The following SMYD4 variants were observed in gnomAD, a reference collection of about 807,000 sequenced individuals.
The protein encoded by SMYD4 is SET and MYND domain containing 4.
In SMYD4, 68 loss-of-function variants were observed where a neutral mutation model predicts 72.8. That is an observed-to-expected ratio of 0.93 (90% CI 0.77 to 1.14). The LOEUF is 1.14. Ranked by LOEUF, SMYD4 falls within the 50% of genes most tolerant of loss-of-function variation. SMYD4 has a pLI of 0.00. For synonymous variants in SMYD4, 407 were observed against 388.6 expected (o/e 1.05, Z -0.56); for missense variants, 984 against 1,003.7 (o/e 0.98, Z 0.27).
In SMYD4 at chr17:1,800,200, A is replaced by T. The variant is rs772526223; in HGVS notation, c.1194T>A (p.Ser398Arg). The T allele has an allele frequency of 4.4e-6, 7 of 1,608,734 alleles. No homozygotes were observed. Among genetic ancestry groups the T allele is most frequent in the South Asian group, 2.2e-5 (2 of 90,646 alleles). Reference sequence around the variant, plus strand: ...TCTCAACGATGTTGCCATTTTTCTCACTCTCCCCTAGGCCATAATTAAGTG... The same window carrying T: ...TCTCAACGATGTTGCCATTTTTCTCTCTCTCCCCTAGGCCATAATTAAGTG... Reference protein sequence around the residue: ...VKTLNYGLGESEKNGNIVETP... With the variant: ...VKTLNYGLGEREKNGNIVETP... Residue 398 changes from serine (S) to arginine (R), a missense_variant, in exon 5 of 11, where the codon AGT becomes AGA. Ser to Arg is a moderately radical substitution (Grantham distance 110). Transcript: ENST00000305513.
chr17:1,819,810 CAG>C (rs1399705365), intron 2 of SMYD4, among the ~76,000 whole-genome samples: 2 of 152,182 alleles, frequency 1.3e-5, no homozygotes, highest in South Asian at 2.1e-4. Flanking sequence ...TGTTTTGAGA[CAG>C]AGTCTCACTC....
In SMYD4 at chr17:1,800,037, G is replaced by A; in HGVS notation, c.1357C>T (p.Gln453Ter). The A allele has an allele frequency of 6.2e-7, 1 of 1,614,114 alleles. No homozygotes were observed. The highest frequency in any genetic ancestry group is 1.3e-5 in the African/African-American group (1 of 75,058). ...GCCTGTAAACTGGCTGCTTCTAGCTGTCTGCACAGTGCAGAAACACAGAGA... is the reference window on the plus strand; with the variant it reads ...GCCTGTAAACTGGCTGCTTCTAGCTATCTGCACAGTGCAGAAACACAGAGA... Reference protein sequence around the residue: ...CALCVSALCRQLEAASLQAIP... With the variant: ...CALCVSALCR The change falls in exon 5 of 11, where the codon CAG becomes TAG. Residue 453 changes from glutamine (Q) to a stop codon, truncating the protein, a stop_gained. Coordinates refer to ENST00000305513, the MANE Select transcript of SMYD4 (RefSeq NM_052928.3). LOFTEE classifies it high-confidence loss of function.
chr17:1,787,390 G>T, intron 6 of SMYD4, 32 bp downstream of exon 6: 1 of 1,550,368 alleles, frequency 6.5e-7, no homozygotes, highest in East Asian at 2.4e-5. Flanking sequence ...TGTTGGAGAA[G>T]GGCAGGATGG....
chr17:1,801,834 G>A, intron 4 of SMYD4, among the ~76,000 whole-genome samples: 1 of 151,682 alleles, frequency 6.6e-6, no homozygotes, highest in East Asian at 2.0e-4. Flanking sequence ...AAATTAGCTG[G>A]GCGTGGTGGT....
intron 2 of SMYD4, among the ~76,000 whole-genome samples, chr17:1,819,288 C>T (rs1272125703): frequency 6.6e-6 from 1 of 152,096 alleles, no homozygotes; most frequent in African/African-American, 2.4e-5. Flanking sequence ...ATACGGGAGG[C>T]AGAGGTTGCA....
chr17:1,815,824 C>G (rs905134677), intron 2 of SMYD4, among the ~76,000 whole-genome samples: 9 of 151,776 alleles, frequency 5.9e-5, no homozygotes, highest in African/African-American at 2.2e-4. Context: ...CTCAGCCTCC[C>G]GAGTAGCTGG....
At chr17:1,797,444 G>A (rs1909462598) in intron 5 of SMYD4, among the ~76,000 whole-genome samples, 1 of 152,212 alleles carries the variant, frequency 6.6e-6, no homozygotes, top group Middle Eastern at 3.2e-3. Context: ...GCTGGATCAT[G>A]ATTCTCGGCA....
At chr17:1,816,784 A>G (rs940515977) in intron 2 of SMYD4, among the ~76,000 whole-genome samples, 1 of 151,510 alleles carries the variant, frequency 6.6e-6, no homozygotes, top group African/African-American at 2.4e-5. Context: ...GTGATCTCTC[A>G]CTGTGGTTTT....
chr17:1,795,742 C>T (rs1044040606), intron 5 of SMYD4, among the ~76,000 whole-genome samples: 13 of 71,958 alleles, frequency 1.8e-4, no homozygotes, highest in Admixed American at 1.2e-4. Context: ...GTGCCTGGCC[C>T]GTGAGTTTTT....
At position 1,800,148 on chromosome 17, in the gene SMYD4, C is replaced by T. The variant is rs200667564; in HGVS notation, c.1246G>A (p.Gly416Arg). The T allele has an allele frequency of 2.5e-6, 4 of 1,610,706 alleles. No individual in the cohort carries two copies. The highest frequency in any genetic ancestry group is 3.4e-6 in the Non-Finnish European group (4 of 1,177,916). The change falls in exon 5 of 11, where the codon GGG (glycine) becomes AGG (arginine). Residue 416 changes from glycine to arginine, a missense_variant. Coordinates refer to ENST00000305513, the MANE Select transcript of SMYD4 (RefSeq NM_052928.3). ...GCATTATAATTATTTTCATACTTCCCATTAATATCGCATCCAGGAATTGGG... is the reference window on the plus strand; with the variant it reads ...GCATTATAATTATTTTCATACTTCCTATTAATATCGCATCCAGGAATTGGG... ...ETPIPGCDINGKYENNYNAVF... is the reference protein window; with the variant it reads ...ETPIPGCDINRKYENNYNAVF...
chr17:1,784,877 C>T (rs917755558), intron 7 of SMYD4, among the ~76,000 whole-genome samples: 4 of 151,882 alleles, frequency 2.6e-5, no homozygotes, highest in Non-Finnish European at 4.4e-5. Flanking sequence ...TCACGCCATT[C>T]TCCTGCCTCA....
chr17:1,819,159 C>A (rs563886692), intron 2 of SMYD4, among the ~76,000 whole-genome samples: 1 of 151,782 alleles, frequency 6.6e-6, no homozygotes, highest in Non-Finnish European at 1.5e-5. Context: ...GAGTTCGAGA[C>A]CACCCTGGGC....
chr17:1,805,488 T>C (rs1017296456), intron 3 of SMYD4, among the ~76,000 whole-genome samples: 22 of 151,854 alleles, frequency 1.4e-4, no homozygotes, highest in African/African-American at 4.8e-4. Context: ...CTCAAGTAAA[T>C]GTAGGAAAGA....
At chr17:1,805,000 C>A (rs191232037) in intron 3 of SMYD4, among the ~76,000 whole-genome samples, 1 of 152,066 alleles carries the variant, frequency 6.6e-6, no homozygotes, top group Non-Finnish European at 1.5e-5. Context: ...TATCCTACAA[C>A]CTGAATATAA....
chr17:1,817,777 G>A (rs72822482), intron 2 of SMYD4, among the ~76,000 whole-genome samples: 1 of 151,994 alleles, frequency 6.6e-6, no homozygotes, highest in East Asian at 1.9e-4. Context: ...ACAATTGGCC[G>A]GGCACAGTGG....
chr17:1,809,214 G>A (rs1002384055), intron 3 of SMYD4, among the ~76,000 whole-genome samples: 10 of 151,814 alleles, frequency 6.6e-5, no homozygotes, highest in Non-Finnish European at 4.4e-5. Context: ...TAATATCCAA[G>A]GTCACAGAAC....
intron 8 of SMYD4, 121 bp from the exon 9 acceptor site, chr17:1,783,597 T>C: frequency 6.8e-7 from 1 of 1,465,480 alleles, no homozygotes. Context: ...CTGGCCTCCC[T>C]GGGTTGTCAC....
chr17:1,815,252 C>T (rs536293596), intron 2 of SMYD4, among the ~76,000 whole-genome samples: 129 of 152,018 alleles, frequency 8.5e-4, no homozygotes, highest in South Asian at 1.2e-3. Context: ...TTAGTAGAGA[C>T]GGGGTTTCAC....
At chr17:1,798,383 C>T (rs531263394) in intron 5 of SMYD4, among the ~76,000 whole-genome samples, 17 of 152,136 alleles carry the variant, frequency 1.1e-4, no homozygotes, top group African/African-American at 4.1e-4. Context: ...GCTGGGATTA[C>T]AGGCGTACTG....
Sources: gnomAD v4.1 joint callset for allele counts (sites outside exome capture counted in the v4.1 genomes callset) on GRCh38, gnomAD v4.1.1 for gene constraint, MANE v1.5 for transcripts, NCBI Gene and HGNC (gene_info 2026-07-23, HGNC 2026-07-21) for gene names.